The following TBC1D5 variants were observed in gnomAD, a reference collection of about 807,000 sequenced individuals.
TBC1D5 encodes the protein TBC1 domain family member 5, also known as TBC1 domain family, member 5.
TBC1D5 carries 75 observed loss-of-function variants against 100.3 expected under a neutral mutation model. That is an observed-to-expected ratio of 0.75 (90% confidence interval 0.62 to 0.91). TBC1D5 has a LOEUF of 0.91. TBC1D5 is among the 40% of genes least tolerant of loss of function. The probability of loss-of-function intolerance (pLI) is 0.00; values close to 1 mark genes in which losing one functional copy is unlikely to be tolerated. For missense variants in TBC1D5, 910 were observed against 942.4 expected (o/e 0.97, Z 0.45); for synonymous variants, 323 against 325.6 (o/e 0.99, Z 0.09).
chr3:17,339,414 T>A (rs1298788178), intron 13 of TBC1D5, among the ~76,000 whole-genome samples: 3 of 152,206 alleles, frequency 2.0e-5, no homozygotes, highest in Non-Finnish European at 4.4e-5. Context: ...TGAGTAAATT[T>A]TTCACGTGGC....
At chr3:17,356,208 A>G (rs1237340383) in intron 13 of TBC1D5, among the ~76,000 whole-genome samples, 1 of 152,184 alleles carries the variant, frequency 6.6e-6, no homozygotes, top group Non-Finnish European at 1.5e-5. Flanking sequence ...ATTCATAATA[A>G]AAACACCCAT....
chr3:17,172,506 T>C (rs1240212006), intron 19 of TBC1D5, among the ~76,000 whole-genome samples: 1 of 152,260 alleles, frequency 6.6e-6, no homozygotes, highest in Non-Finnish European at 1.5e-5. Flanking sequence ...AAAGGCTCTT[T>C]CTCTTTGTTT....
intron 2 of TBC1D5, among the ~76,000 whole-genome samples, chr3:17,582,564 T>C (rs2096705477): frequency 6.6e-6 from 1 of 151,890 alleles, no homozygotes; most frequent in Non-Finnish European, 1.5e-5. Flanking sequence ...AGGGAAGCTC[T>C]GGCTTATATT....
intron 15 of TBC1D5, among the ~76,000 whole-genome samples, chr3:17,259,084 C>G (rs1232570825): frequency 6.6e-6 from 1 of 152,116 alleles, no homozygotes; most frequent in Non-Finnish European, 1.5e-5. Flanking sequence ...CAGAATTCAG[C>G]AATTCTTTTA....
At chr3:17,509,369 A>G (rs531362319) in intron 2 of TBC1D5, among the ~76,000 whole-genome samples, 1 of 152,088 alleles carries the variant, frequency 6.6e-6, no homozygotes, top group Non-Finnish European at 1.5e-5. Context: ...CTTAGGATAA[A>G]TTCTTAAAGT....
intron 21 of TBC1D5, among the ~76,000 whole-genome samples, chr3:17,162,473 T>C (rs561824811): frequency 6.6e-6 from 1 of 152,374 alleles, no homozygotes; most frequent in Non-Finnish European, 1.5e-5. Context: ...ACCTTCCATC[T>C]CTGATGATTC....
intron 3 of TBC1D5, among the ~76,000 whole-genome samples, chr3:17,502,515 C>T (rs1392378934): frequency 6.7e-6 from 1 of 149,228 alleles, no homozygotes; most frequent in Non-Finnish European, 1.5e-5. Flanking sequence ...GGTCCTAAGT[C>T]CTCTTCTTGG....
Position 17,629,669 on chromosome 3 carries a change from A to G in TBC1D5, c.-100-5756T>C, listed in dbSNP as rs569521832. On this transcript the variant is annotated intron_variant, in intron 1 of 21. Coordinates refer to ENST00000253692, the Ensembl canonical transcript of TBC1D5. ...GTAAAACAGTGATGTAAGTAGTCAT[A>G]TTACAAAACATGTGGCACCTTTATA... Among the ~76,000 whole-genome samples, 47 of 152,328 alleles carry G rather than the reference A, an allele frequency of 3.1e-4. 1 individual carries two copies. In the South Asian group the frequency reaches 8.7e-3, roughly 28 times the overall value.
intron 2 of TBC1D5, among the ~76,000 whole-genome samples, chr3:17,538,850 C>T (rs1342945750): frequency 6.6e-6 from 1 of 152,120 alleles, no homozygotes; most frequent in African/African-American, 2.4e-5. Context: ...ATCAGCCTGG[C>T]CAACAATGCA....
At chr3:17,608,122 T>C (rs188595626) in intron 2 of TBC1D5, among the ~76,000 whole-genome samples, 40 of 152,242 alleles carry the variant, frequency 2.6e-4, no homozygotes, top group Admixed American at 1.0e-3. Flanking sequence ...CCAGGCATGG[T>C]GGCGCGTGCC....
intron 21 of TBC1D5, among the ~76,000 whole-genome samples, chr3:17,164,115 G>C (rs1226002770): frequency 6.6e-6 from 1 of 152,178 alleles, no homozygotes; most frequent in Non-Finnish European, 1.5e-5. Flanking sequence ...CAAGACTGCT[G>C]TTTTCAGAGC....
intron 3 of TBC1D5, among the ~76,000 whole-genome samples, chr3:17,473,187 C>T (rs1427628851): frequency 1.3e-5 from 2 of 152,144 alleles, no homozygotes; most frequent in Non-Finnish European, 2.9e-5. Context: ...AGAAGGATCA[C>T]AGGACTTGAG....
intron 18 of TBC1D5, among the ~76,000 whole-genome samples, chr3:17,198,002 A>G (rs767738135): frequency 1.3e-5 from 2 of 152,160 alleles, no homozygotes; most frequent in Non-Finnish European, 2.9e-5. Context: ...GTGCCACTGC[A>G]CTCCAGCCTG....
At chr3:17,375,400 C>A (rs1250293425) in intron 10 of TBC1D5, among the ~76,000 whole-genome samples, 1 of 151,984 alleles carries the variant, frequency 6.6e-6, no homozygotes, top group Non-Finnish European at 1.5e-5. Context: ...AACCCCATCT[C>A]TACTAAAAAT....
At chr3:17,280,734 C>T (rs762485953) in intron 15 of TBC1D5, among the ~76,000 whole-genome samples, 22 of 152,080 alleles carry the variant, frequency 1.4e-4, no homozygotes, top group Admixed American at 1.3e-3. Context: ...TTCAGCCGTG[C>T]GACCTGATTT....
intron 13 of TBC1D5, among the ~76,000 whole-genome samples, chr3:17,345,569 A>G (rs10049142): frequency 0.4 from 60,739 of 150,920 alleles, 12,898 homozygotes; most frequent in Middle Eastern, 0.5. Context: ...CCCATTACTG[A>G]GTATATACCC....
intron 1 of TBC1D5, among the ~76,000 whole-genome samples, chr3:17,702,886 T>C (rs2073408840): frequency 6.6e-6 from 1 of 152,074 alleles, no homozygotes; most frequent in Admixed American, 6.5e-5. Context: ...TCATGAACAA[T>C]TAAAAGTATA....
At chr3:17,241,494 T>C in intron 16 of TBC1D5, among the ~76,000 whole-genome samples, 1 of 152,200 alleles carries the variant, frequency 6.6e-6, no homozygotes, top group East Asian at 1.9e-4. Context: ...AGTCTTTCAT[T>C]ACTATTGTCT....
At chr3:17,185,081 G>A (rs768200644) in intron 19 of TBC1D5, 28 bp downstream of exon 20, 15 of 1,600,504 alleles carry the variant, frequency 9.4e-6, no homozygotes, top group African/African-American at 2.7e-5. Context: ...GAGTCTCATC[G>A]TTCCCAGGGC....
Sources: allele counts gnomAD v4.1 joint callset (sites outside exome capture counted in the v4.1 genomes callset), GRCh38; gene constraint gnomAD v4.1.1; transcripts MANE v1.5; gene names NCBI Gene and HGNC (gene_info 2026-07-23, HGNC 2026-07-21).